Variants in CRACR2A observed in about 807,000 individuals in gnomAD.
The protein encoded by CRACR2A is EF-hand calcium-binding domain-containing protein 4B.
A neutral mutation model predicts 90.5 loss-of-function variants in CRACR2A; 79 were observed. The ratio of observed to expected loss-of-function variants is 0.87; its 90% CI spans 0.73 to 1.05. The LOEUF is 1.05. Among genes scored for constraint, CRACR2A ranks in the 50% least tolerant of loss-of-function variants. CRACR2A has a pLI of 0.00. For synonymous variants in CRACR2A, 338 were observed against 356.7 expected, an observed-to-expected ratio of 0.95 and a Z score of 0.59; for missense variants, 823 against 897.2, an observed-to-expected ratio of 0.92 and a Z score of 1.06.
At chr12:3,649,819 G>A (rs1200067898) in intron 10 of CRACR2A, among the ~76,000 whole-genome samples, 2 of 151,374 alleles carry the variant, frequency 1.3e-5, no homozygotes, top group Non-Finnish European at 2.9e-5. Context: ...AAGAAAGGGA[G>A]GGAAGGAGGA....
intron 17 of CRACR2A, among the ~76,000 whole-genome samples, chr12:3,622,169 G>A (rs1469804317): frequency 3.9e-5 from 6 of 152,184 alleles, no homozygotes; most frequent in African/African-American, 1.4e-4. Context: ...CCTCCTTCAA[G>A]CCCCTAGGGC....
At chr12:3,623,131 G>C (rs1042455991) in intron 17 of CRACR2A, among the ~76,000 whole-genome samples, 1 of 152,234 alleles carries the variant, frequency 6.6e-6, no homozygotes, top group African/African-American at 2.4e-5. Context: ...CACAGGACAA[G>C]AGAGAAGCAG....
At chr12:3,640,114 G>A (rs765659604) in intron 13 of CRACR2A, among the ~76,000 whole-genome samples, 152 of 152,214 alleles carry the variant, frequency 1.0e-3, no homozygotes, top group Non-Finnish European at 2.0e-3. Context: ...AAATTCTCAA[G>A]CACTACTGCC....
In CRACR2A at chr12:3,753,045, C is replaced by G. The variant is rs1430911782; in HGVS notation, c.-417G>C. ...GCGTGTAGGCTTCCCGTGGACCTGC[C>G]CGCGCCGCCCGCTCGGCTCTCAGCT... On this transcript the variant is annotated 5_prime_UTR_variant, in exon 1 of 20. Transcript: ENST00000440314. 6.6e-6 allele frequency: 1 copy of G among 152,428 alleles called. No homozygotes were observed. Among genetic ancestry groups the G allele is most frequent in the Non-Finnish European group, 1.5e-5 (1 of 68,212 alleles). 9.4% of individuals were successfully genotyped at this position (152,428 alleles called of 1,614,324 possible).
At position 3,734,419 on chromosome 12, in the gene CRACR2A, T is replaced by G. The variant is rs553446052; in HGVS notation, c.-386-1209A>C. Among the ~76,000 whole-genome samples, 9 of 152,242 alleles carry G rather than the reference T, an allele frequency of 5.9e-5. No individual in the cohort carries two copies. The East Asian group carries it at 1.7e-3, about 29-fold the overall frequency. ...CAGGGACTAAACCCTGAAAATGGCA[T>G]GGAAGTTCCTCAAAAAACTAAAAAT... On this transcript the variant is annotated intron_variant, in intron 1 of 19. Transcript: ENST00000440314.
At chr12:3,637,293 T>C (rs1944471685) in intron 14 of CRACR2A, among the ~76,000 whole-genome samples, 2 of 152,202 alleles carry the variant, frequency 1.3e-5, no homozygotes, top group South Asian at 4.1e-4. Context: ...AGCCTGCAAC[T>C]TTAAAAGTGT....
intron 4 of CRACR2A, among the ~76,000 whole-genome samples, chr12:3,688,528 A>G (rs1027638039): frequency 2.0e-5 from 3 of 151,962 alleles, no homozygotes; most frequent in Non-Finnish European, 4.4e-5. Context: ...TGGGCTCTCT[A>G]TTCTGTTCCA....
chr12:3,745,349 C>T (rs949502557), intron 1 of CRACR2A, among the ~76,000 whole-genome samples: 3 of 151,392 alleles, frequency 2.0e-5, no homozygotes, highest in Admixed American at 1.3e-4. Context: ...CAGAAATGAA[C>T]TTCCAAGAAC....
intron 4 of CRACR2A, among the ~76,000 whole-genome samples, chr12:3,695,478 T>G (rs1945723749): frequency 6.6e-6 from 1 of 151,808 alleles, no homozygotes; most frequent in African/African-American, 2.4e-5. Context: ...AGTTAGAGAG[T>G]GGAATAGCTC....
At chr12:3,740,465 T>C (rs560073208) in intron 1 of CRACR2A, among the ~76,000 whole-genome samples, 1 of 152,140 alleles carries the variant, frequency 6.6e-6, no homozygotes, top group Non-Finnish European at 1.5e-5. Context: ...ATTTGCAACT[T>C]ACATGTCCTT....
chr12:3,749,543 G>T (rs1946674396), intron 1 of CRACR2A, among the ~76,000 whole-genome samples: 1 of 152,040 alleles, frequency 6.6e-6, no homozygotes, highest in Admixed American at 6.5e-5. Flanking sequence ...GATCCTTACA[G>T]CCATCCTCTC....
intron 6 of CRACR2A, among the ~76,000 whole-genome samples, chr12:3,677,132 T>C (rs242031): frequency 0.38 from 57,983 of 151,782 alleles, 11,409 homozygotes; most frequent in Middle Eastern, 0.51. Flanking sequence ...TGGGAGGATA[T>C]GGGAGTATAG....
At chr12:3,640,467 T>G in intron 13 of CRACR2A, 1 of 1,162,264 alleles carries the variant, frequency 8.6e-7, no homozygotes, top group South Asian at 1.7e-5. Flanking sequence ...TTTACAGAAC[T>G]CAAAAGAATG....
intron 2 of CRACR2A, among the ~76,000 whole-genome samples, chr12:3,720,460 A>AAAGAAAGAAAGAAAGAAAGG (rs1565501242): frequency 6.8e-6 from 1 of 147,638 alleles, no homozygotes; most frequent in South Asian, 2.1e-4. Flanking sequence ...AGAAAGAAAG[A>AAAGAAAGAAAGAAAGAAAGG]AAGAAAGCAA....
intron 2 of CRACR2A, chr12:3,727,328 A>T (rs1555120289): frequency 6.6e-6 from 1 of 152,196 alleles, no homozygotes; most frequent in Non-Finnish European, 1.5e-5. Context: ...TTTTTGCAAG[A>T]GATTTCTTAT....
chr12:3,642,141 G>T (rs980529827), intron 12 of CRACR2A, among the ~76,000 whole-genome samples: 1 of 152,108 alleles, frequency 6.6e-6, no homozygotes, highest in Admixed American at 6.6e-5. Context: ...GAAGAGATAA[G>T]TGTTTAATGC....
At chr12:3,689,801 C>A (rs540942239) in intron 4 of CRACR2A, among the ~76,000 whole-genome samples, 77 of 146,266 alleles carry the variant, frequency 5.3e-4, no homozygotes, top group Admixed American at 2.9e-3. Flanking sequence ...GGTTGGTAGG[C>A]TATTTATTAC....
chr12:3,724,893 C>G (rs545915087), intron 2 of CRACR2A, among the ~76,000 whole-genome samples: 4 of 152,296 alleles, frequency 2.6e-5, no homozygotes, highest in African/African-American at 9.6e-5. Flanking sequence ...TCCTGGGCTG[C>G]TTGGGCTCTT....
intron 5 of CRACR2A, 66 bp downstream of exon 5, chr12:3,680,172 A>G: frequency 7.5e-7 from 1 of 1,340,362 alleles, no homozygotes; most frequent in Non-Finnish European, 1.1e-6. Flanking sequence ...AAGGGACAGG[A>G]ATGCACCTTA....
Sources: allele counts gnomAD v4.1 joint callset (sites outside exome capture counted in the v4.1 genomes callset), GRCh38; gene constraint gnomAD v4.1.1; transcripts MANE v1.5; gene names NCBI Gene and HGNC (gene_info 2026-07-23, HGNC 2026-07-21).